The following PCCA variants were observed in gnomAD, a reference collection of about 807,000 sequenced individuals.
PCCA encodes propionyl-CoA carboxylase alpha chain, mitochondrial.
A neutral mutation model predicts 101.3 loss-of-function variants in PCCA; 74 were observed. The ratio of observed to expected loss-of-function variants is 0.73; its 90% CI spans 0.61 to 0.89. The LOEUF (loss-of-function observed/expected upper bound fraction) is 0.89. PCCA is among the 40% of genes least tolerant of loss of function. PCCA has a pLI of 0.00. For synonymous variants in PCCA, 294 were observed against 313.6 expected, an observed-to-expected ratio of 0.94 and a Z score of 0.66; for missense variants, 891 against 907.0, an observed-to-expected ratio of 0.98 and a Z score of 0.23.
intron 4 of PCCA, among the ~76,000 whole-genome samples, chr13:100,118,081 A>C (rs2048991492): frequency 6.6e-6 from 1 of 150,570 alleles, no homozygotes; most frequent in South Asian, 2.1e-4. Context: ...GTGCCACTGC[A>C]GTCCAGCCTG....
intron 16 of PCCA, among the ~76,000 whole-genome samples, chr13:100,328,466 T>A (rs974343667): frequency 1.3e-5 from 2 of 150,598 alleles, no homozygotes; most frequent in Admixed American, 1.3e-4. Flanking sequence ...TTTGTTATTT[T>A]ATTTTCTTAG....
At chr13:100,374,490 C>G (rs2075777837) in intron 19 of PCCA, among the ~76,000 whole-genome samples, 1 of 152,092 alleles carries the variant, frequency 6.6e-6, no homozygotes, top group Non-Finnish European at 1.5e-5. Flanking sequence ...TGGCCAGGTA[C>G]AGTGGTGCGC....
chr13:100,298,204 A>G (rs1566889111), intron 12 of PCCA, among the ~76,000 whole-genome samples: 1 of 152,098 alleles, frequency 6.6e-6, no homozygotes, highest in Non-Finnish European at 1.5e-5. Flanking sequence ...TCCATTTTGT[A>G]TTTTGAATGT....
At chr13:100,400,906 G>A (rs548566708) in intron 19 of PCCA, among the ~76,000 whole-genome samples, 2 of 152,194 alleles carry the variant, frequency 1.3e-5, no homozygotes, top group African/African-American at 2.4e-5. Context: ...GATTACAGGC[G>A]TGAGCCACCG....
intron 7 of PCCA, among the ~76,000 whole-genome samples, chr13:100,210,279 A>G (rs561957783): frequency 6.6e-6 from 1 of 152,312 alleles, no homozygotes; most frequent in East Asian, 1.9e-4. Flanking sequence ...TGCCTGGCCA[A>G]CTTGGATTGT....
At chr13:100,333,738 G>A (rs896110191) in intron 17 of PCCA, among the ~76,000 whole-genome samples, 1 of 152,134 alleles carries the variant, frequency 6.6e-6, no homozygotes, top group Admixed American at 6.5e-5. Flanking sequence ...GAAAGAAATT[G>A]TCAGAATTAT....
intron 19 of PCCA, among the ~76,000 whole-genome samples, chr13:100,419,603 T>C (rs1337993510): frequency 2.0e-5 from 3 of 152,236 alleles, no homozygotes; most frequent in African/African-American, 7.2e-5. Flanking sequence ...AGAACTTGTT[T>C]TAGAACCTGT....
At chr13:100,307,126 TTGG>T in intron 14 of PCCA, 63 bp from the exon 15 acceptor site, 1 of 1,046,734 alleles carries the variant, frequency 9.6e-7, no homozygotes, top group Non-Finnish European at 1.5e-6. Context: ...GGAAATGAAA[TTGG>T]TGGTTACAAA....
chr13:100,146,126 A>G (rs545650788), intron 4 of PCCA, among the ~76,000 whole-genome samples: 1 of 150,780 alleles, frequency 6.6e-6, no homozygotes, highest in South Asian at 2.1e-4. Flanking sequence ...TTTTTAGCAG[A>G]GATGGGGTTT....
At chr13:100,314,333 G>A (rs1346856778) in intron 16 of PCCA, among the ~76,000 whole-genome samples, 3 of 152,140 alleles carry the variant, frequency 2.0e-5, no homozygotes, top group Non-Finnish European at 2.9e-5. Context: ...CATCACTTCC[G>A]TGTGTTCAGC....
chr13:100,093,566 G>A (rs1047137145), intron 1 of PCCA, among the ~76,000 whole-genome samples: 1 of 152,114 alleles, frequency 6.6e-6, no homozygotes, highest in Non-Finnish European at 1.5e-5. Flanking sequence ...GAGAGAAAAA[G>A]AAATTAAAAC....
At chr13:100,529,729 A>G (rs1424625465) in intron 23 of PCCA, among the ~76,000 whole-genome samples, 1 of 152,180 alleles carries the variant, frequency 6.6e-6, no homozygotes, top group African/African-American at 2.4e-5. Context: ...CACAACCTCA[A>G]AACCACAGAG....
chr13:100,299,663 A>G (rs1595193127), intron 12 of PCCA, among the ~76,000 whole-genome samples: 1 of 152,112 alleles, frequency 6.6e-6, no homozygotes, highest in Non-Finnish European at 1.5e-5. Flanking sequence ...CTTTTCACCT[A>G]TCAGGGATGT....
chr13:100,296,645 A>G (rs1400365586), intron 12 of PCCA, among the ~76,000 whole-genome samples: 3 of 152,132 alleles, frequency 2.0e-5, no homozygotes, highest in Admixed American at 1.3e-4. Context: ...CTTCACTCAT[A>G]TTTACCACAT....
intron 21 of PCCA, chr13:100,477,429 T>G (rs1383630822): frequency 6.6e-6 from 1 of 152,122 alleles, no homozygotes; most frequent in Non-Finnish European, 1.5e-5. Context: ...GGAAATTCAG[T>G]GAATAAGAAA....
At chr13:100,185,229 G>T (rs761333718) in intron 6 of PCCA, among the ~76,000 whole-genome samples, 2 of 152,056 alleles carry the variant, frequency 1.3e-5, no homozygotes, top group Admixed American at 6.6e-5. Context: ...TGCATCCTAT[G>T]ACCCTGGAGT....
At chr13:100,399,280 TTTTG>T (rs1437697681) in intron 19 of PCCA, among the ~76,000 whole-genome samples, 13 of 152,138 alleles carry the variant, frequency 8.5e-5, no homozygotes, top group African/African-American at 2.7e-4. Flanking sequence ...GTAAATATAT[TTTTG>T]TTTGGCGTGA....
At chr13:100,197,956 A>G (rs777687918) in intron 6 of PCCA, among the ~76,000 whole-genome samples, 12 of 152,226 alleles carry the variant, frequency 7.9e-5, no homozygotes, top group Non-Finnish European at 1.0e-4. Context: ...AGTACCAGAA[A>G]TGGCCTTGTT....
At chr13:100,472,413 G>C (rs949195654) in intron 21 of PCCA, among the ~76,000 whole-genome samples, 5 of 152,074 alleles carry the variant, frequency 3.3e-5, no homozygotes, top group Admixed American at 6.5e-5. Context: ...GATTTTGCAG[G>C]GTGTTTGGAA....
Sources: allele counts gnomAD v4.1 joint callset (sites outside exome capture counted in the v4.1 genomes callset), GRCh38; gene constraint gnomAD v4.1.1; transcripts MANE v1.5; gene names NCBI Gene and HGNC (gene_info 2026-07-23, HGNC 2026-07-21).